NOS1AP: variants seen among roughly 807,000 people sequenced by gnomAD.
NOS1AP encodes carboxyl-terminal PDZ ligand of neuronal nitric oxide synthase protein.
A neutral mutation model predicts 56.2 loss-of-function variants in NOS1AP; 21 were observed. That is an observed-to-expected ratio of 0.37 (90% CI 0.26 to 0.54). The LOEUF (loss-of-function observed/expected upper bound fraction) is 0.54. Among genes scored for constraint, NOS1AP ranks in the 20% least tolerant of loss-of-function variants. NOS1AP has a pLI of 0.84. For missense variants in NOS1AP, 522 were observed against 657.8 expected (o/e 0.79, Z 2.26); for synonymous variants, 270 against 274.6 (o/e 0.98, Z 0.17).
At chr1:162,193,636 T>C (rs1270263447) in intron 2 of NOS1AP, among the ~76,000 whole-genome samples, 1 of 151,810 alleles carries the variant, frequency 6.6e-6, no homozygotes, top group African/African-American at 2.4e-5. Context: ...CTTCTCTTGG[T>C]TTCCATCTGT....
At chr1:162,296,952 A>G (rs1487798447) in intron 3 of NOS1AP, among the ~76,000 whole-genome samples, 3 of 152,200 alleles carry the variant, frequency 2.0e-5, no homozygotes, top group African/African-American at 4.8e-5. Flanking sequence ...GATATTCCCC[A>G]AAGAGAGGAA....
chr1:162,243,572 A>G (rs1262682990), intron 2 of NOS1AP, among the ~76,000 whole-genome samples: 1 of 152,194 alleles, frequency 6.6e-6, no homozygotes, highest in African/African-American at 2.4e-5. Context: ...TCTCTTCCCC[A>G]TCTCCAAGGG....
intron 2 of NOS1AP, among the ~76,000 whole-genome samples, chr1:162,163,098 T>A (rs1486414178): frequency 2.0e-5 from 3 of 152,210 alleles, no homozygotes; most frequent in Non-Finnish European, 4.4e-5. Flanking sequence ...AGCGTAATGT[T>A]TTCAAGGTTC....
chr1:162,365,074 A>ATGTGCATG (rs1557895085), intron 8 of NOS1AP: 4 of 1,059,128 alleles, frequency 3.8e-6, no homozygotes, highest in South Asian at 5.5e-5. Context: ...GTGTGTGTAT[A>ATGTGCATG]TGTGCACGTG....
chr1:162,196,363 T>A (rs12093324), intron 2 of NOS1AP, among the ~76,000 whole-genome samples: 5 of 152,276 alleles, frequency 3.3e-5, no homozygotes, highest in Admixed American at 1.3e-4. Flanking sequence ...TACCACGCTC[T>A]TTCTGTATTA....
At chr1:162,117,952 A>G (rs1477228831) in intron 1 of NOS1AP, among the ~76,000 whole-genome samples, 1 of 152,102 alleles carries the variant, frequency 6.6e-6, no homozygotes, top group African/African-American at 2.4e-5. Context: ...TTTTGCTTCC[A>G]CTTTCTTACC....
At chr1:162,350,086 G>A (rs777288233) in intron 6 of NOS1AP, among the ~76,000 whole-genome samples, 4 of 152,126 alleles carry the variant, frequency 2.6e-5, no homozygotes, top group South Asian at 2.1e-4. Context: ...CACCTTGAGC[G>A]CCCAGAGTTG....
chr1:162,307,151 A>G (rs1408048007), intron 4 of NOS1AP, among the ~76,000 whole-genome samples: 1 of 152,110 alleles, frequency 6.6e-6, no homozygotes, highest in African/African-American at 2.4e-5. Context: ...AATAAACTAA[A>G]TAGTATTGGA....
chr1:162,171,370 G>A (rs1359693106), intron 2 of NOS1AP, among the ~76,000 whole-genome samples: 3 of 152,012 alleles, frequency 2.0e-5, no homozygotes, highest in Non-Finnish European at 2.9e-5. Flanking sequence ...CTCTCCCCTT[G>A]CTGTTATTGG....
At chr1:162,170,098 A>C (rs1320679440) in intron 2 of NOS1AP, among the ~76,000 whole-genome samples, 1 of 152,068 alleles carries the variant, frequency 6.6e-6, no homozygotes, top group African/African-American at 2.4e-5. Context: ...AGCTCACTTT[A>C]TGTTATAATT....
rs371728197 is a variant in NOS1AP at position 162,221,820 on chromosome 1, C to T, written c.178-65524C>T. ...TTTTTAAGACAAAAATGGGATCATACTATATACATTTCTATAGCTTGTTTT... is the reference window on the plus strand; with the variant it reads ...TTTTTAAGACAAAAATGGGATCATATTATATACATTTCTATAGCTTGTTTT... On this transcript the variant is annotated intron_variant, in intron 2 of 9. Coordinates refer to ENST00000361897, the MANE Select transcript of NOS1AP (RefSeq NM_014697.3). Among the ~76,000 whole-genome samples, 11 of 152,230 alleles carry T rather than the reference C, an allele frequency of 7.2e-5. No individual in the cohort carries two copies. In the East Asian group the frequency reaches 1.7e-3, roughly 24 times the overall value.
intron 4 of NOS1AP, among the ~76,000 whole-genome samples, chr1:162,324,416 C>CTTTTTTTTTTTTTTTTT (rs35946766): frequency 8.3e-5 from 6 of 72,148 alleles, no homozygotes; most frequent in South Asian, 1.1e-3. Context: ...GGACACTAGC[C>CTTTTTTTTTTTTTTTTT]TTTTTTTTTT....
chr1:162,347,237 G>T (rs1657327013), intron 6 of NOS1AP, among the ~76,000 whole-genome samples: 1 of 152,220 alleles, frequency 6.6e-6, no homozygotes, highest in African/African-American at 2.4e-5. Context: ...TCATGCCCAT[G>T]CCCCGTTGGT....
chr1:162,094,294 A>G (rs1321358611), intron 1 of NOS1AP, among the ~76,000 whole-genome samples: 2 of 152,160 alleles, frequency 1.3e-5, no homozygotes, highest in Non-Finnish European at 2.9e-5. Flanking sequence ...TATGCTCTTC[A>G]TTCCATTTAC....
At chr1:162,195,060 C>A (rs1192401898) in intron 2 of NOS1AP, among the ~76,000 whole-genome samples, 1 of 152,098 alleles carries the variant, frequency 6.6e-6, no homozygotes, top group Non-Finnish European at 1.5e-5. Flanking sequence ...CTCACGGAAG[C>A]CGCTTAGCAG....
At chr1:162,346,478 C>T (rs1657299197) in intron 6 of NOS1AP, among the ~76,000 whole-genome samples, 1 of 152,014 alleles carries the variant, frequency 6.6e-6, no homozygotes, top group South Asian at 2.1e-4. Context: ...TGAGGTACTA[C>T]CAATTGTATT....
At chr1:162,073,167 A>C (rs1691694070) in intron 1 of NOS1AP, among the ~76,000 whole-genome samples, 1 of 152,184 alleles carries the variant, frequency 6.6e-6, no homozygotes, top group African/African-American at 2.4e-5. Context: ...ACCTCATTTA[A>C]TTCTCACTAC....
At chr1:162,192,011 T>C (rs1651663213) in intron 2 of NOS1AP, among the ~76,000 whole-genome samples, 1 of 152,136 alleles carries the variant, frequency 6.6e-6, no homozygotes, top group African/African-American at 2.4e-5. Context: ...GCCAGTGTTT[T>C]TGGGCTCCCA....
At chr1:162,322,052 A>G (rs145099430) in intron 4 of NOS1AP, among the ~76,000 whole-genome samples, 5 of 152,298 alleles carry the variant, frequency 3.3e-5, no homozygotes, top group Non-Finnish European at 7.4e-5. Context: ...AACCCCCTGC[A>G]TCTAAAATAA....
Sources: allele counts gnomAD v4.1 joint callset (sites outside exome capture counted in the v4.1 genomes callset), GRCh38; gene constraint gnomAD v4.1.1; transcripts MANE v1.5; gene names NCBI Gene and HGNC (gene_info 2026-07-23, HGNC 2026-07-21).